XIRP2: variants seen among roughly 807,000 people sequenced by gnomAD.
XIRP2 encodes xin actin binding repeat containing 2.
XIRP2 carries 236 observed loss-of-function variants against 277.0 expected under a neutral mutation model. That is an observed-to-expected ratio of 0.85 (90% CI 0.77 to 0.95). The LOEUF (loss-of-function observed/expected upper bound fraction) is 0.95. Among genes scored for constraint, XIRP2 ranks in the 40% least tolerant of loss-of-function variants. The probability of loss-of-function intolerance (pLI) is 0.00; values close to 1 mark genes in which losing one functional copy is unlikely to be tolerated. For synonymous variants in XIRP2, 1,490 were observed against 1,416.5 expected (o/e 1.05, Z -1.17); for missense variants, 4,640 against 4,157.5 (o/e 1.12, Z -3.19).
intron 1 of XIRP2, among the ~76,000 whole-genome samples, chr2:166,888,874 A>G (rs1489996486): frequency 6.6e-6 from 1 of 152,186 alleles, no homozygotes; most frequent in East Asian, 1.9e-4. Context: ...GCTATATATT[A>G]TATTTTTGGA....
intron 2 of XIRP2, among the ~76,000 whole-genome samples, chr2:167,016,904 T>C (rs950235672): frequency 2.0e-5 from 3 of 151,926 alleles, no homozygotes; most frequent in Non-Finnish European, 2.9e-5. Flanking sequence ...AAGAACTTAG[T>C]TCTTATATCA....
intron 1 of XIRP2, among the ~76,000 whole-genome samples, chr2:166,897,333 T>A (rs1009505738): frequency 6.6e-6 from 1 of 152,144 alleles, no homozygotes; most frequent in Non-Finnish European, 1.5e-5. Flanking sequence ...TGTCATTCCC[T>A]GATCAGGGAA....
At chr2:167,009,968 C>G (rs1377805512) in intron 2 of XIRP2, among the ~76,000 whole-genome samples, 4 of 152,138 alleles carry the variant, frequency 2.6e-5, no homozygotes, top group Admixed American at 1.3e-4. Context: ...GATATTAGCC[C>G]TTTGTCAGAT....
At chr2:166,961,288 G>T (rs1227933650) in intron 2 of XIRP2, among the ~76,000 whole-genome samples, 2 of 151,704 alleles carry the variant, frequency 1.3e-5, no homozygotes, top group African/African-American at 4.8e-5. Flanking sequence ...ATTTAAGCAT[G>T]CCTCACCTAA....
rs775531203 is a variant in XIRP2, at chr2:167,245,664, C to A, written c.4272C>A (p.Phe1424Leu). ...QGGNVKTSRQ[F>L]FESENFDKNN... Reference sequence around the variant, plus strand: ...GCAATGTAAAGACAAGTAGACAATTCTTTGAGTCTGAAAATTTTGATAAGA... The same window carrying A: ...GCAATGTAAAGACAAGTAGACAATTATTTGAGTCTGAAAATTTTGATAAGA... The change falls in exon 9 of 11, where the codon TTC becomes TTA. Residue 1424 changes from phenylalanine (F) to leucine (L), a missense_variant. Physicochemically the swap from Phe to Leu is conservative, Grantham distance 22. Coordinates refer to ENST00000409195, the MANE Select transcript of XIRP2 (RefSeq NM_152381.6). 11 of 1,613,348 alleles carry A rather than the reference C, an allele frequency of 6.8e-6. No individual in the cohort carries two copies. The Admixed American group carries it at 8.3e-5, about 12-fold the overall frequency.
At chr2:166,970,470 T>A (rs1005983696) in intron 2 of XIRP2, among the ~76,000 whole-genome samples, 2 of 152,004 alleles carry the variant, frequency 1.3e-5, no homozygotes, top group Non-Finnish European at 2.9e-5. Context: ...CCCTTTTAAG[T>A]GTCTTTGTGT....
intron 2 of XIRP2, chr2:167,124,356 T>A (rs1691139873): frequency 6.6e-6 from 1 of 152,184 alleles, no homozygotes; most frequent in African/African-American, 2.4e-5. Context: ...AAATTATGTT[T>A]TTCCTCCTCT....
intron 3 of XIRP2, among the ~76,000 whole-genome samples, chr2:167,175,422 G>C (rs1692812113): frequency 6.6e-6 from 1 of 152,094 alleles, no homozygotes; most frequent in Middle Eastern, 3.2e-3. Flanking sequence ...GAGTTTGCTG[G>C]AGGTCCACTC....
intron 2 of XIRP2, among the ~76,000 whole-genome samples, chr2:167,009,372 T>G (rs1424268327): frequency 6.6e-6 from 1 of 151,960 alleles, no homozygotes; most frequent in Non-Finnish European, 1.5e-5. Context: ...ATTTCATCCA[T>G]GTCCCTACAA....
chr2:167,027,123 C>G (rs1309561574), intron 2 of XIRP2, among the ~76,000 whole-genome samples: 2 of 152,108 alleles, frequency 1.3e-5, no homozygotes, highest in Non-Finnish European at 2.9e-5. Flanking sequence ...CCATTCTCTC[C>G]GTCACTCTCA....
chr2:166,957,688 C>A (rs977032498), intron 2 of XIRP2, among the ~76,000 whole-genome samples: 8 of 151,618 alleles, frequency 5.3e-5, no homozygotes, highest in African/African-American at 1.9e-4. Context: ...TGGCCTGTTC[C>A]CACAAAGAGG....
At chr2:167,083,576 C>T (rs763825840) in intron 2 of XIRP2, among the ~76,000 whole-genome samples, 1 of 152,136 alleles carries the variant, frequency 6.6e-6, no homozygotes, top group Non-Finnish European at 1.5e-5. Context: ...CTACCCATGG[C>T]CATGGAATGT....
Position 167,251,125 on chromosome 2 carries a change from A to G in XIRP2, c.9733A>G (p.Asn3245Asp). 6.2e-7 allele frequency: 1 copy of G among 1,613,486 alleles called. No individual in the cohort carries two copies. Among genetic ancestry groups the G allele is most frequent in the Non-Finnish European group, 8.5e-7 (1 of 1,179,736 alleles). ...TACAATCACAATACCAGTAAATATA[A>G]ATCATGCTGCTAGTGGTTCCTTCAG... is the stretch of plus-strand genomic sequence containing the variant. ...PPTITIPVNINHAASGSFRES... is the reference protein window; with the variant it reads ...PPTITIPVNIDHAASGSFRES... Residue 3245 changes from asparagine to aspartate, a missense_variant, in exon 9 of 11, where the codon AAT becomes GAT. Physicochemically the swap from Asn to Asp is conservative, Grantham distance 23. Coordinates refer to ENST00000409195, the MANE Select transcript of XIRP2 (RefSeq NM_152381.6).
intron 2 of XIRP2, among the ~76,000 whole-genome samples, chr2:167,084,584 G>T (rs1413528194): frequency 2.0e-5 from 3 of 151,896 alleles, no homozygotes; most frequent in Admixed American, 6.6e-5. Flanking sequence ...AGTCTTTTTG[G>T]TTGGTAAGCT....
At chr2:166,940,659 C>G (rs1329420105) in intron 2 of XIRP2, among the ~76,000 whole-genome samples, 1 of 152,186 alleles carries the variant, frequency 6.6e-6, no homozygotes, top group Non-Finnish European at 1.5e-5. Flanking sequence ...AGTTTTCCTT[C>G]TAACAGTCAG....
chr2:167,141,391 T>G (rs1691713848), intron 3 of XIRP2, among the ~76,000 whole-genome samples: 1 of 151,920 alleles, frequency 6.6e-6, no homozygotes, highest in South Asian at 2.1e-4. Context: ...AAAGAAAAAA[T>G]CCTGCCCATG....
At chr2:166,945,438 A>C (rs1346680649) in intron 2 of XIRP2, among the ~76,000 whole-genome samples, 1 of 152,074 alleles carries the variant, frequency 6.6e-6, no homozygotes, top group Non-Finnish European at 1.5e-5. Flanking sequence ...AAGTTATGAG[A>C]GCTGTAAAAA....
At chr2:167,197,565 AG>A (rs1693555034) in intron 3 of XIRP2, among the ~76,000 whole-genome samples, 1 of 152,054 alleles carries the variant, frequency 6.6e-6, no homozygotes. Context: ...ATATTAGGGA[AG>A]TCTCTGCCAC....
intron 2 of XIRP2, among the ~76,000 whole-genome samples, chr2:167,015,942 C>A (rs1687816319): frequency 6.6e-6 from 1 of 151,640 alleles, no homozygotes; most frequent in East Asian, 1.9e-4. Flanking sequence ...TCTACCAACT[C>A]TCTCTACCCT....
Sources: gnomAD v4.1 joint callset for allele counts (sites outside exome capture counted in the v4.1 genomes callset) on GRCh38, gnomAD v4.1.1 for gene constraint, MANE v1.5 for transcripts, NCBI Gene and HGNC (gene_info 2026-07-23, HGNC 2026-07-21) for gene names.